ITFG1: variants seen among roughly 807,000 people sequenced by gnomAD.
The protein encoded by ITFG1 is T-cell immunomodulatory protein.
In ITFG1, 34 loss-of-function variants were observed where a neutral mutation model predicts 81.8. The ratio of observed to expected loss-of-function variants is 0.42; its 90% CI spans 0.32 to 0.55. The LOEUF (loss-of-function observed/expected upper bound fraction) is 0.55. Among genes scored for constraint, ITFG1 ranks in the 20% least tolerant of loss-of-function variants. The pLI is 0.17. For missense variants in ITFG1, 672 were observed against 755.4 expected (o/e 0.89, Z 1.29); for synonymous variants, 285 against 270.6 (o/e 1.05, Z -0.52).
intron 14 of ITFG1, among the ~76,000 whole-genome samples, chr16:47,214,482 A>G (rs1280366160): frequency 6.6e-6 from 1 of 152,208 alleles, no homozygotes; most frequent in Non-Finnish European, 1.5e-5. Flanking sequence ...ACTCCATTCT[A>G]TTAAGTTCTT....
chr16:47,333,182 T>A (rs1967658030), intron 8 of ITFG1, among the ~76,000 whole-genome samples: 1 of 152,192 alleles, frequency 6.6e-6, no homozygotes, highest in African/African-American at 2.4e-5. Flanking sequence ...TTATTTTATA[T>A]GTACTACATT....
At chr16:47,201,767 C>A (rs572743510) in intron 14 of ITFG1, among the ~76,000 whole-genome samples, 2 of 152,220 alleles carry the variant, frequency 1.3e-5, no homozygotes, top group Admixed American at 1.3e-4. Context: ...TGACAGTGGT[C>A]TAAAGTTTTA....
chr16:47,266,503 C>T (rs966651666), intron 10 of ITFG1, among the ~76,000 whole-genome samples: 2 of 152,158 alleles, frequency 1.3e-5, no homozygotes, highest in African/African-American at 2.4e-5. Flanking sequence ...CAGGCGTGAG[C>T]CACTGCACCC....
chr16:47,271,720 G>A (rs1337874538), intron 10 of ITFG1, among the ~76,000 whole-genome samples: 2 of 152,158 alleles, frequency 1.3e-5, no homozygotes, highest in African/African-American at 4.8e-5. Flanking sequence ...TTAGCTGGGC[G>A]TGGTGGTGGG....
At chr16:47,418,791 A>ATATG (rs2151605668) in intron 6 of ITFG1, among the ~76,000 whole-genome samples, 1 of 152,296 alleles carries the variant, frequency 6.6e-6, no homozygotes, top group East Asian at 1.9e-4. Context: ...ACTTTGTAGT[A>ATATG]TATGTCTGTA....
At chr16:47,160,300 A>C (rs890098282) in intron 16 of ITFG1, among the ~76,000 whole-genome samples, 1 of 151,990 alleles carries the variant, frequency 6.6e-6, no homozygotes, top group Non-Finnish European at 1.5e-5. Flanking sequence ...ATGTATGAAC[A>C]TGTATGTATA....
chr16:47,189,188 TTA>T (rs1453009143), intron 14 of ITFG1, among the ~76,000 whole-genome samples: 1 of 152,220 alleles, frequency 6.6e-6, no homozygotes, highest in African/African-American at 2.4e-5. Flanking sequence ...TGAGTAGTTT[TTA>T]TGTTTCTTCT....
At position 47,155,792 on chromosome 16, in the gene ITFG1, TTA is replaced by T. The variant is rs1252694255; in HGVS notation, c.1780-16_1780-15del. 1.6e-5 allele frequency: 26 copies of T among 1,579,378 alleles called. No homozygotes were observed. Among genetic ancestry groups the T allele is most frequent in the Middle Eastern group, 1.7e-4 (1 of 6,016 alleles). On this transcript the variant is annotated splice_polypyrimidine_tract_variant and intron_variant, in intron 17 of 17. Coordinates refer to ENST00000320640, the MANE Select transcript of ITFG1 (RefSeq NM_030790.5). ...ATCATCTGCTTTCTGAAAAAGAATT[TTA>T]GACTCGTTTATAAATGGTAGAAAGA...
At chr16:47,233,952 G>C (rs1231807181) in intron 13 of ITFG1, among the ~76,000 whole-genome samples, 1 of 152,144 alleles carries the variant, frequency 6.6e-6, no homozygotes, top group Non-Finnish European at 1.5e-5. Context: ...GGACACTAGA[G>C]GAAATAATTG....
At chr16:47,239,911 G>A (rs1342026608) in intron 12 of ITFG1, among the ~76,000 whole-genome samples, 1 of 152,126 alleles carries the variant, frequency 6.6e-6, no homozygotes, top group African/African-American at 2.4e-5. Context: ...GCACGCAGAT[G>A]TTACCTCTGC....
At chr16:47,202,537 C>G (rs1375478168) in intron 14 of ITFG1, 1 of 151,904 alleles carries the variant, frequency 6.6e-6, no homozygotes, top group Admixed American at 6.6e-5. Flanking sequence ...TTTCCATATT[C>G]TACCTTGTGA....
chr16:47,415,829 C>T (rs1479548892), intron 6 of ITFG1, among the ~76,000 whole-genome samples: 1 of 152,142 alleles, frequency 6.6e-6, no homozygotes, highest in Non-Finnish European at 1.5e-5. Flanking sequence ...TGCAGTGGCT[C>T]ATGCCTATAA....
Position 47,331,930 on chromosome 16 carries a change from C to A in ITFG1, c.803-18107G>T, listed in dbSNP as rs902338990. On this transcript the variant is annotated intron_variant, in intron 8 of 17. Transcript: ENST00000320640. ...CAGGTATTTTTGATCACCTATGAAA[C>A]AGCTAAATACATAATCTCCTCAAAT... Among the ~76,000 whole-genome samples the A allele has an allele frequency of 2.6e-5, 4 of 152,212 alleles. No individual in the cohort carries two copies. The South Asian group carries it at 8.3e-4, about 32-fold the overall frequency.
chr16:47,215,238 C>T (rs1194927238), intron 14 of ITFG1, among the ~76,000 whole-genome samples: 2 of 152,044 alleles, frequency 1.3e-5, no homozygotes, highest in Non-Finnish European at 1.5e-5. Context: ...ATGGAAGGTA[C>T]GGTTTAGCCC....
intron 14 of ITFG1, among the ~76,000 whole-genome samples, chr16:47,216,810 C>T (rs551244641): frequency 7.2e-5 from 11 of 151,842 alleles, no homozygotes; most frequent in South Asian, 2.1e-4. Flanking sequence ...TACAGGCGAC[C>T]GCCACCACGT....
intron 6 of ITFG1, chr16:47,426,241 G>C (rs1252091924): frequency 6.6e-6 from 1 of 152,034 alleles, no homozygotes; most frequent in East Asian, 1.9e-4. Context: ...ATGGGTAGCA[G>C]TAGCCCTGGT....
chr16:47,167,395 C>A (rs1216381333), intron 14 of ITFG1, among the ~76,000 whole-genome samples: 1 of 152,138 alleles, frequency 6.6e-6, no homozygotes, highest in African/African-American at 2.4e-5. Context: ...CATTCCACCA[C>A]AAAAGAAGTG....
At chr16:47,253,361 T>C (rs1231161966) in intron 12 of ITFG1, among the ~76,000 whole-genome samples, 1 of 152,228 alleles carries the variant, frequency 6.6e-6, no homozygotes, top group East Asian at 1.9e-4. Context: ...GTTTCATGTA[T>C]ACCTAGCTTC....
chr16:47,256,628 T>G (rs1458737230), intron 12 of ITFG1, among the ~76,000 whole-genome samples: 2 of 152,172 alleles, frequency 1.3e-5, no homozygotes, highest in Non-Finnish European at 2.9e-5. Context: ...AGGACATGGA[T>G]AATTAAAAGT....
Sources: gnomAD v4.1 joint callset for allele counts (sites outside exome capture counted in the v4.1 genomes callset) on GRCh38, gnomAD v4.1.1 for gene constraint, MANE v1.5 for transcripts, NCBI Gene and HGNC (gene_info 2026-07-23, HGNC 2026-07-21) for gene names.